Variants in RAMP1 observed in about 807,000 individuals in gnomAD.
RAMP1 encodes the protein receptor activity-modifying protein 1.
Under a neutral mutation model 8.2 loss-of-function variants are expected in RAMP1, and 7 were observed. That is an observed-to-expected ratio of 0.85 (90% confidence interval 0.49 to 1.60). The LOEUF is 1.60. Ranked by LOEUF, RAMP1 falls within the 40% of genes most tolerant of loss-of-function variation. The pLI is 0.00. For missense variants in RAMP1, 192 were observed against 202.4 expected (o/e 0.95, Z 0.31); for synonymous variants, 92 against 84.7 (o/e 1.09, Z -0.47).
chr2:237,886,541 T>A (rs2062435075), intron 2 of RAMP1, among the ~76,000 whole-genome samples: 1 of 151,842 alleles, frequency 6.6e-6, no homozygotes, highest in Non-Finnish European at 1.5e-5. Context: ...GGAGCCCTCG[T>A]GTTGGGGGAG....
chr2:237,882,602 G>A (rs147310788), intron 2 of RAMP1, among the ~76,000 whole-genome samples: 34 of 152,292 alleles, frequency 2.2e-4, no homozygotes, highest in African/African-American at 7.2e-4. Flanking sequence ...TGCTGCCTCC[G>A]TCCTGGCGAT....
chr2:237,866,855 A>G (rs2062192407), intron 1 of RAMP1, among the ~76,000 whole-genome samples: 1 of 151,480 alleles, frequency 6.6e-6, no homozygotes, highest in Non-Finnish European at 1.5e-5. Flanking sequence ...CAGCCTCCCC[A>G]GTAGCTCAGA....
At chr2:237,863,068 G>C (rs1050464113) in intron 1 of RAMP1, among the ~76,000 whole-genome samples, 1 of 152,184 alleles carries the variant, frequency 6.6e-6, no homozygotes, top group African/African-American at 2.4e-5. Context: ...GGCTCAGGGG[G>C]CTCCGAGAAT....
chr2:237,895,129 A>C (rs1284391637), intron 2 of RAMP1, among the ~76,000 whole-genome samples: 1 of 151,576 alleles, frequency 6.6e-6, no homozygotes, highest in Non-Finnish European at 1.5e-5. Context: ...GGAGCCCCTC[A>C]CCCTCCCTTG....
intron 2 of RAMP1, among the ~76,000 whole-genome samples, chr2:237,898,961 A>G (rs1049414822): frequency 6.6e-6 from 1 of 152,250 alleles, no homozygotes; most frequent in Non-Finnish European, 1.5e-5. Flanking sequence ...ACCACAAGGG[A>G]GAAGCCAGCC....
At position 237,912,095 on chromosome 2, in the gene RAMP1, G is replaced by C. The variant is rs1315323975; in HGVS notation, c.*312G>C. Reference sequence around the variant, plus strand: ...GGATGAGTGGTTTGTGATTAAAAGGGATGTTCTTGAACTTGGAAAGACTCA... The same window carrying C: ...GGATGAGTGGTTTGTGATTAAAAGGCATGTTCTTGAACTTGGAAAGACTCA... On this transcript the variant is annotated 3_prime_UTR_variant, in exon 3 of 3. Coordinates refer to ENST00000254661, the MANE Select transcript of RAMP1 (RefSeq NM_005855.4). 1 of 388,906 alleles carries C rather than the reference G, an allele frequency of 2.6e-6. No individual in the cohort carries two copies. Among genetic ancestry groups the C allele is most frequent in the East Asian group, 4.3e-5 (1 of 23,142 alleles). The allele number at this position is 388,906 out of a possible 1,614,324, so 24.1% of individuals were successfully genotyped here.
chr2:237,893,764 C>T (rs1195057574), intron 2 of RAMP1, among the ~76,000 whole-genome samples: 1 of 151,892 alleles, frequency 6.6e-6, no homozygotes, highest in African/African-American at 2.4e-5. Context: ...CATGGCGAAA[C>T]CCTGTCTCTA....
At chr2:237,905,198 A>G (rs1451848875) in intron 2 of RAMP1, among the ~76,000 whole-genome samples, 3 of 152,162 alleles carry the variant, frequency 2.0e-5, no homozygotes, top group Non-Finnish European at 4.4e-5. Context: ...TGTATTTTTC[A>G]TGACTATTTT....
At position 237,865,503 on chromosome 2, in the gene RAMP1, C is replaced by T. The variant is rs571766083; in HGVS notation, c.52+5776C>T. 4.6e-5 allele frequency among the ~76,000 whole-genome samples: 7 copies of T among 152,220 alleles called. No individual in the cohort carries two copies. The highest frequency in any genetic ancestry group is 3.9e-4 in the East Asian group (2 of 5,172). The stretch of plus-strand genomic sequence containing the variant: ...ATCGGGAACATGCCTCAAAAACCAC[C>T]GTTTCTCTGAGATGCAGATTTCGCA... On this transcript the variant is annotated intron_variant, in intron 1 of 2. Coordinates refer to ENST00000254661, the MANE Select transcript of RAMP1 (RefSeq NM_005855.4). The surrounding 1 kb of genome is among the most constrained non-coding windows in gnomAD (Gnocchi z 4.2).
At chr2:237,882,522 G>T (rs1034949410) in intron 2 of RAMP1, among the ~76,000 whole-genome samples, 1 of 152,174 alleles carries the variant, frequency 6.6e-6, no homozygotes, top group Non-Finnish European at 1.5e-5. Context: ...CCTGGTTCCC[G>T]GCGGAGGTGG....
intron 1 of RAMP1, among the ~76,000 whole-genome samples, chr2:237,866,692 A>G (rs576832661): frequency 1.1e-4 from 16 of 151,754 alleles, no homozygotes; most frequent in African/African-American, 3.4e-4. Context: ...GAGTTAACCC[A>G]TATTTTGTAT....
intron 1 of RAMP1, among the ~76,000 whole-genome samples, chr2:237,863,307 G>A (rs946500158): frequency 1.1e-4 from 17 of 152,126 alleles, no homozygotes; most frequent in South Asian, 8.3e-4. Flanking sequence ...AGGCAGAGAC[G>A]GTGCTGCCAG....
intron 2 of RAMP1, among the ~76,000 whole-genome samples, chr2:237,902,024 G>T (rs2062603307): frequency 6.6e-6 from 1 of 152,118 alleles, no homozygotes; most frequent in Non-Finnish European, 1.5e-5. Flanking sequence ...GCATGGCATG[G>T]GGGCCCTGAG....
chr2:237,882,303 C>T (rs113340782), intron 2 of RAMP1, among the ~76,000 whole-genome samples: 43 of 152,316 alleles, frequency 2.8e-4, no homozygotes, highest in African/African-American at 1.0e-3. Context: ...GGGTCCTCAC[C>T]GCCTGCTGAA....
intron 2 of RAMP1, among the ~76,000 whole-genome samples, chr2:237,905,694 A>G (rs563525201): frequency 6.6e-6 from 1 of 152,304 alleles, no homozygotes; most frequent in South Asian, 2.1e-4. Flanking sequence ...GGTCTGAGAT[A>G]TGGGAGAGGA....
At chr2:237,863,902 G>A (rs1436242829) in intron 1 of RAMP1, among the ~76,000 whole-genome samples, 6 of 151,720 alleles carry the variant, frequency 4.0e-5, no homozygotes, top group African/African-American at 4.9e-5. Flanking sequence ...TGTGCCCTCC[G>A]CCAGGGTCAG....
intron 2 of RAMP1, among the ~76,000 whole-genome samples, chr2:237,897,523 ATGT>A (rs1481796329): frequency 6.6e-6 from 1 of 152,060 alleles, no homozygotes; most frequent in Non-Finnish European, 1.5e-5. Context: ...TGCGTTATTC[ATGT>A]TGTTCCTTTT....
At chr2:237,869,735 T>C (rs1310227375) in intron 1 of RAMP1, among the ~76,000 whole-genome samples, 1 of 152,218 alleles carries the variant, frequency 6.6e-6, no homozygotes, top group Non-Finnish European at 1.5e-5. Flanking sequence ...TGTTCAGATA[T>C]CTCTGTGAGA....
At chr2:237,866,708 A>G (rs903160342) in intron 1 of RAMP1, among the ~76,000 whole-genome samples, 2 of 151,642 alleles carry the variant, frequency 1.3e-5, no homozygotes, top group African/African-American at 4.8e-5. Flanking sequence ...TGTATGTTAC[A>G]TGTATGTATA....
Sources: allele counts gnomAD v4.1 joint callset (sites outside exome capture counted in the v4.1 genomes callset), GRCh38; gene constraint gnomAD v4.1.1; non-coding constraint Gnocchi (gnomAD v3.1); transcripts MANE v1.5; gene names NCBI Gene and HGNC (gene_info 2026-07-23, HGNC 2026-07-21).